RGS7: variants seen among roughly 807,000 people sequenced by gnomAD.
RGS7 encodes regulator of G protein signaling 7, also known as regulator of G-protein signaling 7.
In RGS7, 27 loss-of-function variants were observed where a neutral mutation model predicts 81.1. That is an observed-to-expected ratio of 0.33 (90% CI 0.25 to 0.46). The LOEUF (loss-of-function observed/expected upper bound fraction) is 0.46, where lower values mean the gene tolerates loss of function less well. Among genes scored for constraint, RGS7 ranks in the 20% least tolerant of loss-of-function variants. The probability of loss-of-function intolerance (pLI) is 1.00; values close to 1 mark genes in which losing one functional copy is unlikely to be tolerated. For missense variants in RGS7, 396 were observed against 607.4 expected, an observed-to-expected ratio of 0.65 and a Z score of 3.66; for synonymous variants, 208 against 207.7, an observed-to-expected ratio of 1.00 and a Z score of -0.01.
intron 4 of RGS7, 37 bp from the exon 5 acceptor site, chr1:240,936,743 C>T (rs1676700612): frequency 2.0e-6 from 3 of 1,470,000 alleles, no homozygotes; most frequent in Non-Finnish European, 1.9e-6. Context: ...ATAAAAAAGC[C>T]TTTTAAATGT....
chr1:241,000,778 G>C (rs1688019530), intron 3 of RGS7, among the ~76,000 whole-genome samples: 2 of 150,504 alleles, frequency 1.3e-5, no homozygotes, highest in Admixed American at 1.3e-4. Flanking sequence ...CTCCCGAGTA[G>C]CTGGGATTAC....
chr1:241,239,054 CGCCTCCCGGGTTCAAGCTATT>C (rs1389375827), intron 2 of RGS7, among the ~76,000 whole-genome samples: 1 of 150,762 alleles, frequency 6.6e-6, no homozygotes, highest in Non-Finnish European at 1.5e-5. Context: ...CTGCAACCTC[CGCCTCCCGGGTTCAAGCTATT>C]CTCCTGCCTC....
intron 2 of RGS7, among the ~76,000 whole-genome samples, chr1:241,277,849 T>C (rs974720504): frequency 2.0e-5 from 3 of 152,190 alleles, no homozygotes; most frequent in Non-Finnish European, 4.4e-5. Flanking sequence ...GAAAGAGACT[T>C]AGTCATTTAT....
rs116886235 is a variant in RGS7 at position 240,981,477 on chromosome 1, C to A, written c.226+1602G>T. On this transcript the variant is annotated intron_variant, in intron 4 of 18. Transcript: ENST00000440928. The stretch of plus-strand genomic sequence containing the variant: ...CACCTCTGATCCTTAATAGTCTTTG[C>A]CAATCAGTAGTTTCCTGATTAGCCA... 3.5e-3 allele frequency among the ~76,000 whole-genome samples: 539 copies of A among 152,234 alleles called. 8 individuals are homozygous for A. In the East Asian group the frequency reaches 0.052, roughly 15 times the overall value.
intron 6 of RGS7, chr1:240,920,175 G>A (rs1258813716): frequency 2.0e-6 from 2 of 1,024,308 alleles, no homozygotes; most frequent in Admixed American, 1.7e-5. Context: ...CCACAACTGT[G>A]AAGTTAGGAA....
rs201329920 is a variant in RGS7, at chr1:241,224,985, GT to G, written c.79-126224del. Among the ~76,000 whole-genome samples, 105 of 149,064 alleles carry G rather than the reference GT, an allele frequency of 7.0e-4. 1 individual carries two copies. The highest frequency in any genetic ancestry group is 7.0e-3 in the Middle Eastern group (2 of 284). On this transcript the variant is annotated intron_variant, in intron 2 of 18. Coordinates refer to ENST00000440928, the MANE Select transcript of RGS7 (RefSeq NM_001364886.1). Reference sequence around the variant, plus strand: ...AGGGATAATGTACAAGGAAAAATGTGTTTTTTTTTTCTTTTAAAAAAATTTT... The same window carrying G: ...AGGGATAATGTACAAGGAAAAATGTGTTTTTTTTTCTTTTAAAAAAATTTT...
intron 2 of RGS7, among the ~76,000 whole-genome samples, chr1:241,303,074 G>T (rs991296123): frequency 6.6e-6 from 1 of 152,030 alleles, no homozygotes; most frequent in Non-Finnish European, 1.5e-5. Context: ...ACTAACAGCA[G>T]GGCTTTTATT....
intron 18 of RGS7, among the ~76,000 whole-genome samples, chr1:240,781,258 A>G (rs903502021): frequency 1.3e-5 from 2 of 152,228 alleles, no homozygotes; most frequent in South Asian, 4.1e-4. Context: ...GCTTTGTGAT[A>G]TTAGCATAAC....
rs143774858 is a variant in RGS7 at position 241,052,476 on chromosome 1, A to G, written c.175+46190T>C. Among the ~76,000 whole-genome samples, 498 of 152,250 alleles carry G rather than the reference A, an allele frequency of 3.3e-3. 1 individual carries two copies. Among genetic ancestry groups the G allele is most frequent in the Admixed American group, 5.8e-3 (89 of 15,280 alleles). On this transcript the variant is annotated intron_variant, in intron 3 of 18. Coordinates refer to ENST00000440928, the MANE Select transcript of RGS7 (RefSeq NM_001364886.1). ...GAAGGCACGGCCCATGCACAGTGTCATGTACCTATTTACACCACACACTAC... is the reference window on the plus strand; with the variant it reads ...GAAGGCACGGCCCATGCACAGTGTCGTGTACCTATTTACACCACACACTAC...
intron 6 of RGS7, among the ~76,000 whole-genome samples, chr1:240,871,465 A>G (rs1026517507): frequency 4.6e-5 from 7 of 152,230 alleles, no homozygotes; most frequent in African/African-American, 1.7e-4. Flanking sequence ...AAGACGAAGG[A>G]GAGAGCCAAC....
At chr1:241,346,868 T>C (rs1384581569) in intron 2 of RGS7, among the ~76,000 whole-genome samples, 3 of 152,098 alleles carry the variant, frequency 2.0e-5, no homozygotes, top group Non-Finnish European at 4.4e-5. Context: ...CAGTGACAAA[T>C]GACATTGATT....
In RGS7 at chr1:241,112,807, G is replaced by A. The variant is rs116568973; in HGVS notation, c.79-14045C>T. 6.0e-3 allele frequency among the ~76,000 whole-genome samples: 907 copies of A among 152,278 alleles called. 7 individuals carry two copies. The highest frequency in any genetic ancestry group is 0.02 in the African/African-American group (852 of 41,570). On this transcript the variant is annotated intron_variant, in intron 2 of 18. Coordinates refer to ENST00000440928, the MANE Select transcript of RGS7 (RefSeq NM_001364886.1). ...TGTTGCCGATTCAAGGCACTACAACGTTAAGATGGATTTTATTTTTCAGAA... is the reference window on the plus strand; with the variant it reads ...TGTTGCCGATTCAAGGCACTACAACATTAAGATGGATTTTATTTTTCAGAA...
chr1:241,304,592 G>T (rs943822859), intron 2 of RGS7, among the ~76,000 whole-genome samples: 6 of 152,196 alleles, frequency 3.9e-5, no homozygotes, highest in Admixed American at 6.5e-5. Flanking sequence ...GGGTGAGGTA[G>T]GGGCCGGGAG....
intron 3 of RGS7, among the ~76,000 whole-genome samples, chr1:241,092,758 A>AG (rs2063969169): frequency 2.0e-5 from 3 of 152,162 alleles, no homozygotes; most frequent in Admixed American, 2.0e-4. Flanking sequence ...GACACTTCTC[A>AG]GATGCCTCTT....
chr1:241,078,305 G>C (rs1054915304), intron 3 of RGS7, among the ~76,000 whole-genome samples: 105 of 62,812 alleles, frequency 1.7e-3, no homozygotes, highest in African/African-American at 7.6e-3. Flanking sequence ...TGGTCTCTGT[G>C]TGTGTGTGTG....
At chr1:241,333,893 T>A (rs888789347) in intron 2 of RGS7, among the ~76,000 whole-genome samples, 1 of 152,044 alleles carries the variant, frequency 6.6e-6, no homozygotes, top group Non-Finnish European at 1.5e-5. Flanking sequence ...TATTTCCGTA[T>A]GTTAATAAGT....
chr1:241,145,120 G>A (rs1440188452), intron 2 of RGS7, among the ~76,000 whole-genome samples: 5 of 151,692 alleles, frequency 3.3e-5, no homozygotes, highest in Non-Finnish European at 7.4e-5. Context: ...CAGTTCAAGC[G>A]ATTCTCCTGC....
intron 6 of RGS7, among the ~76,000 whole-genome samples, chr1:240,890,653 G>T (rs1668146604): frequency 6.6e-6 from 1 of 152,108 alleles, no homozygotes. Context: ...CAGGCACTGT[G>T]ATTGTGCTTT....
intron 6 of RGS7, among the ~76,000 whole-genome samples, chr1:240,883,053 C>A (rs1340931871): frequency 6.6e-6 from 1 of 152,030 alleles, no homozygotes; most frequent in African/African-American, 2.4e-5. Context: ...CATCCATGTC[C>A]CTACAAAGGA....
Sources: allele counts gnomAD v4.1 joint callset (sites outside exome capture counted in the v4.1 genomes callset), GRCh38; gene constraint gnomAD v4.1.1; transcripts MANE v1.5; gene names NCBI Gene and HGNC (gene_info 2026-07-23, HGNC 2026-07-21).